DNAH6: variants seen among roughly 807,000 people sequenced by gnomAD.
DNAH6 encodes the protein axonemal beta dynein heavy chain 6.
In DNAH6, 340 loss-of-function variants were observed where a neutral mutation model predicts 491.4. The ratio of observed to expected loss-of-function variants is 0.69; its 90% CI spans 0.63 to 0.76. The LOEUF is 0.76. DNAH6 is among the 30% of genes least tolerant of loss of function. DNAH6 has a pLI of 0.00. For missense variants in DNAH6, 4,443 were observed against 4,972.2 expected, an observed-to-expected ratio of 0.89 and a Z score of 3.20; for synonymous variants, 1,603 against 1,686.1, an observed-to-expected ratio of 0.95 and a Z score of 1.21.
chr2:84,699,288 G>T (rs546430431), intron 47 of DNAH6, among the ~76,000 whole-genome samples: 45 of 152,204 alleles, frequency 3.0e-4, no homozygotes, highest in African/African-American at 1.0e-3. Flanking sequence ...GATGTCTTCT[G>T]CCCCACAGCA....
chr2:84,789,864 T>A (rs1401608347), intron 68 of DNAH6, among the ~76,000 whole-genome samples: 1 of 152,194 alleles, frequency 6.6e-6, no homozygotes, highest in East Asian at 1.9e-4. Context: ...ACTTCTGTGC[T>A]TCCTAATATT....
chr2:84,714,035 C>T (rs1051407121), intron 57 of DNAH6, among the ~76,000 whole-genome samples: 2 of 152,184 alleles, frequency 1.3e-5, no homozygotes, highest in African/African-American at 4.8e-5. Context: ...TTGCCCCTCC[C>T]ACCAAGCTCC....
intron 4 of DNAH6, among the ~76,000 whole-genome samples, chr2:84,534,194 C>A (rs1677457775): frequency 6.6e-6 from 1 of 151,998 alleles, no homozygotes; most frequent in Admixed American, 6.6e-5. Context: ...CAAAGCTTCC[C>A]AAGGAGTGTA....
chr2:84,766,219 T>A (rs1426734986), intron 64 of DNAH6, among the ~76,000 whole-genome samples: 2 of 152,198 alleles, frequency 1.3e-5, no homozygotes, highest in African/African-American at 4.8e-5. Context: ...TTAAGAACTT[T>A]GATTTCTATA....
chr2:84,697,231 T>A (rs1423927733), intron 46 of DNAH6, among the ~76,000 whole-genome samples: 1 of 152,196 alleles, frequency 6.6e-6, no homozygotes, highest in Non-Finnish European at 1.5e-5. Flanking sequence ...ATCAGCTCAA[T>A]GGTGCATTCT....
rs904879793 is a variant in DNAH6 at position 84,762,836 on chromosome 2, C to G, written c.10594C>G (p.Leu3532Val). The change falls in exon 64 of 77, where the codon CTG becomes GTG. Residue 3532 changes from leucine (L) to valine (V), a missense_variant. Around this residue, in one of 3 missense-constraint regions of DNAH6, gnomAD observed 1,463 missense variants for 1,656.6 expected, o/e 0.88. Transcript: ENST00000389394. ...IETPPVDLPT[L>V]YQDMSCNTPL... ...GACACCACCTGTGGACCTGCCTACC[C>G]TGTATCAAGACATGTCATGCAACAC... 5 of 1,550,874 alleles carry G rather than the reference C, an allele frequency of 3.2e-6. No homozygotes were observed. The African/African-American group carries it at 5.5e-5, about 17-fold the overall frequency.
intron 16 of DNAH6, among the ~76,000 whole-genome samples, chr2:84,593,741 G>A (rs1684319821): frequency 6.6e-6 from 1 of 151,822 alleles, no homozygotes; most frequent in Non-Finnish European, 1.5e-5. Flanking sequence ...TAAGTTCTAA[G>A]GAAATACCAG....
chr2:84,752,542 G>A (rs1573701712), intron 63 of DNAH6, among the ~76,000 whole-genome samples: 1 of 151,992 alleles, frequency 6.6e-6, no homozygotes, highest in Admixed American at 6.6e-5. Flanking sequence ...TCACAGAGTT[G>A]TGCAACCATC....
chr2:84,657,747 T>A (rs1691114201), intron 35 of DNAH6, among the ~76,000 whole-genome samples: 1 of 152,020 alleles, frequency 6.6e-6, no homozygotes, highest in Non-Finnish European at 1.5e-5. Context: ...ACATAGACAA[T>A]TATGTTATTT....
chr2:84,815,198 C>G (rs1331247010), intron 75 of DNAH6, among the ~76,000 whole-genome samples: 2 of 152,180 alleles, frequency 1.3e-5, no homozygotes, highest in Non-Finnish European at 2.9e-5. Flanking sequence ...AAGCAAAGAC[C>G]AGCTAAAAAG....
At chr2:84,621,732 A>G (rs980098103) in intron 26 of DNAH6, among the ~76,000 whole-genome samples, 181 bp downstream of exon 26, 6 of 152,244 alleles carry the variant, frequency 3.9e-5, no homozygotes, top group Admixed American at 2.0e-4. Flanking sequence ...TAGAGACACT[A>G]TCTTACTTTT....
intron 49 of DNAH6, among the ~76,000 whole-genome samples, chr2:84,702,542 C>CTTTT (rs34867074): frequency 5.3e-5 from 7 of 132,480 alleles, no homozygotes; most frequent in Non-Finnish European, 8.1e-5. Flanking sequence ...TTTGAACCAG[C>CTTTT]TTTTTTTTTT....
At chr2:84,654,191 A>G (rs1202585379) in intron 34 of DNAH6, among the ~76,000 whole-genome samples, 2 of 152,146 alleles carry the variant, frequency 1.3e-5, no homozygotes, top group Non-Finnish European at 2.9e-5. Context: ...ATTAAAAATT[A>G]TTGCATTTAA....
intron 63 of DNAH6, among the ~76,000 whole-genome samples, chr2:84,750,339 C>A (rs371473292): frequency 1.4e-4 from 22 of 151,790 alleles, no homozygotes; most frequent in African/African-American, 5.3e-4. Context: ...TGTACCACCA[C>A]GCCCAGCTAA....
intron 39 of DNAH6, among the ~76,000 whole-genome samples, chr2:84,672,062 GGA>G (rs1335160645): frequency 6.6e-6 from 1 of 152,198 alleles, no homozygotes; most frequent in Non-Finnish European, 1.5e-5. Flanking sequence ...ACTCCTTGCT[GGA>G]GAGAGGCCAC....
At chr2:84,495,799 C>T in the DNAH6 span, among the ~76,000 whole-genome samples, 275 of 152,268 alleles carry the variant, frequency 1.8e-3, no homozygotes, top group African/African-American at 6.4e-3. Context: ...GTGACTTATG[C>T]CAACACTTAA....
upstream of DNAH6, among the ~76,000 whole-genome samples, chr2:84,515,172 C>T (rs1021948394): frequency 6.6e-6 from 1 of 152,142 alleles, no homozygotes; most frequent in Non-Finnish European, 1.5e-5. Context: ...TCAATGATTG[C>T]ATTTTACTAG....
upstream of DNAH6, among the ~76,000 whole-genome samples, chr2:84,515,776 G>A (rs955336184): frequency 1.3e-5 from 2 of 152,174 alleles, no homozygotes; most frequent in Admixed American, 1.3e-4. Flanking sequence ...CTTCGATGGG[G>A]TCGCTCCATA....
At chr2:84,640,095 G>C (rs1689248875) in intron 31 of DNAH6, among the ~76,000 whole-genome samples, 1 of 152,168 alleles carries the variant, frequency 6.6e-6, no homozygotes, top group African/African-American at 2.4e-5. Flanking sequence ...TCTTGCTTTT[G>C]TACTCGGGCC....
Sources: gnomAD v4.1 joint callset for allele counts (sites outside exome capture counted in the v4.1 genomes callset) on GRCh38, gnomAD v4.1.1 for gene constraint, gnomAD v4.1.1 regional missense constraint, MANE v1.5 for transcripts, NCBI Gene and HGNC (gene_info 2026-07-23, HGNC 2026-07-21) for gene names.